CASP10: variants seen among roughly 807,000 people sequenced by gnomAD.
The protein encoded by CASP10 is caspase 10, also known as caspase-10.
CASP10 carries 41 observed loss-of-function variants against 48.5 expected under a neutral mutation model. That is an observed-to-expected ratio of 0.85 (90% CI 0.66 to 1.10). The LOEUF (loss-of-function observed/expected upper bound fraction) is 1.10, where lower values mean the gene tolerates loss of function less well. CASP10 is among the 50% of genes least tolerant of loss of function. CASP10 has a pLI of 0.00. For missense variants in CASP10, 614 were observed against 614.5 expected, an observed-to-expected ratio of 1.00 and a Z score of 0.01; for synonymous variants, 232 against 238.4, an observed-to-expected ratio of 0.97 and a Z score of 0.25.
At position 201,219,932 on chromosome 2, in the gene CASP10, G is replaced by A. The variant is rs557116741; in HGVS notation, c.*2191G>A. On this transcript the variant is annotated 3_prime_UTR_variant, in exon 10 of 10. Coordinates refer to ENST00000286186, the MANE Select transcript of CASP10 (RefSeq NM_032977.4). ...CAGGTGAACTGGAATGCCTTGGGGC[G>A]TGGAAGGGCATTAGGAGTGTTTCAT... is the stretch of plus-strand genomic sequence containing the variant. The A allele has an allele frequency of 2.1e-4, 207 of 985,298 alleles. 1 individual carries two copies. Among genetic ancestry groups the A allele is most frequent in the African/African-American group, 1.2e-3 (67 of 57,292 alleles). 61.0% of individuals were successfully genotyped at this position (985,298 alleles called of 1,614,324 possible). A position where few individuals can be genotyped will look rare whatever the true frequency, so the allele number is the denominator to read the frequency against.
chr2:201,202,602 G>A (rs796066399), intron 5 of CASP10, among the ~76,000 whole-genome samples: 3 of 152,352 alleles, frequency 2.0e-5, no homozygotes, highest in South Asian at 2.1e-4. Context: ...CTGCCTCTTA[G>A]AAGAAATCTA....
intron 5 of CASP10, among the ~76,000 whole-genome samples, chr2:201,202,130 C>T (rs973019306): frequency 1.3e-5 from 2 of 152,172 alleles, no homozygotes; most frequent in Non-Finnish European, 2.9e-5. Flanking sequence ...GGATTACAGG[C>T]GTGAGCCACC....
chr2:201,211,633 A>C (rs1945398301), intron 9 of CASP10, among the ~76,000 whole-genome samples: 1 of 152,146 alleles, frequency 6.6e-6, no homozygotes, highest in Non-Finnish European at 1.5e-5. Flanking sequence ...TTGGACCCTT[A>C]GGTTGATTCC....
At chr2:201,200,441 A>G in intron 5 of CASP10, 4 of 1,598,156 alleles carry the variant, frequency 2.5e-6, no homozygotes, top group African/African-American at 1.3e-5. Context: ...CTTTCTCCCC[A>G]GGAAGGTGTT....
intron 1 of CASP10, among the ~76,000 whole-genome samples, chr2:201,183,860 A>C (rs775308555): frequency 4.1e-4 from 14 of 33,804 alleles, no homozygotes; most frequent in African/African-American, 1.7e-3. Flanking sequence ...TCCTTCCTTT[A>C]TTTATTTATT....
At position 201,220,204 on chromosome 2, in the gene CASP10, C is replaced by CT. The variant is rs1348966873; in HGVS notation, c.*2466dup. On this transcript the variant is annotated 3_prime_UTR_variant, in exon 10 of 10. Coordinates refer to ENST00000286186, the MANE Select transcript of CASP10 (RefSeq NM_032977.4). ...CCGTCATCTTAGACAAACACCGCCA[C>CT]TTTAAGTTCCAGTTCCCTTTCTAGC... The CT allele has an allele frequency of 1.1e-6, 1 of 936,172 alleles. No homozygotes were observed. Among genetic ancestry groups the CT allele is most frequent in the Admixed American group, 6.2e-5 (1 of 16,198 alleles). The allele number at this position is 936,172 out of a possible 1,614,324, so 58.0% of individuals were successfully genotyped here.
intron 8 of CASP10, 150 bp downstream of exon 8, chr2:201,208,333 C>T: frequency 7.1e-7 from 1 of 1,411,476 alleles, no homozygotes; most frequent in Admixed American, 2.9e-5. Context: ...CCTGGGGAGT[C>T]ATCAGTCTGC....
chr2:201,189,230 T>C (rs1181426310), intron 3 of CASP10, among the ~76,000 whole-genome samples: 1 of 151,884 alleles, frequency 6.6e-6, no homozygotes, highest in Non-Finnish European at 1.5e-5. Context: ...TACCCAGTGA[T>C]ACAGCTTATA....
downstream of CASP10, among the ~76,000 whole-genome samples, chr2:201,222,502 C>A (rs1427908508): frequency 6.6e-6 from 1 of 152,162 alleles, no homozygotes; most frequent in Non-Finnish European, 1.5e-5. Context: ...TGTGTCTGGC[C>A]TCATTCATTC....
At chr2:201,184,419 G>A (rs947092028) in intron 1 of CASP10, among the ~76,000 whole-genome samples, 1 of 152,102 alleles carries the variant, frequency 6.6e-6, no homozygotes, top group Non-Finnish European at 1.5e-5. Context: ...CATCCCCGGG[G>A]CTCAAATGAT....
chr2:201,193,079 T>G lies in CASP10; in HGVS notation c.537T>G (p.Pro179=). The G allele has an allele frequency of 6.2e-7, 1 of 1,613,956 alleles. No homozygotes were observed. Among genetic ancestry groups the G allele is most frequent in the Non-Finnish European group, 8.5e-7 (1 of 1,179,844 alleles). ...AGGACCTCTGCAAAACAGTTGTACC[T>G]AAACTTTTGAGAAACATAGAGAAAT... is the stretch of plus-strand genomic sequence containing the variant. ...CLEDLCKTVV[P]KLLRNIEKYK... The change falls in exon 4 of 10, where the codon CCT becomes CCG. Residue 179 remains proline, a synonymous_variant. Transcript: ENST00000286186.
At chr2:201,195,643 C>T (rs1944762918) in intron 4 of CASP10, among the ~76,000 whole-genome samples, 199 bp from the exon 5 acceptor site, 1 of 151,842 alleles carries the variant, frequency 6.6e-6, no homozygotes, top group Non-Finnish European at 1.5e-5. Context: ...GGCTAACTTT[C>T]TAAGTTGTCT....
rs2126066259 is a variant in CASP10, at chr2:201,221,484, C to T, written c.*3743C>T. 1 of 168,750 alleles carries T rather than the reference C, an allele frequency of 5.9e-6. No homozygotes were observed. Among genetic ancestry groups the T allele is most frequent in the South Asian group, 1.9e-4 (1 of 5,152 alleles). The allele number at this position is 168,750 out of a possible 1,614,324, so 10.5% of individuals were successfully genotyped here. A position where few individuals can be genotyped will look rare whatever the true frequency, so the allele number is the denominator to read the frequency against. On this transcript the variant is annotated 3_prime_UTR_variant, in exon 10 of 10. Coordinates refer to ENST00000286186, the MANE Select transcript of CASP10 (RefSeq NM_032977.4). ...GGCTCATCCTGGCTCAAAAGCTCCC[C>T]CAGTGAGCACCTTGTGACCCCCATC...
At chr2:201,194,999 G>C (rs1037285793) in intron 4 of CASP10, among the ~76,000 whole-genome samples, 1 of 151,858 alleles carries the variant, frequency 6.6e-6, no homozygotes, top group East Asian at 1.9e-4. Context: ...GGATGGTCTC[G>C]ATCACCTGAC....
rs17672977 is a variant in CASP10 at position 201,208,509 on chromosome 2, A to G, written c.922+326A>G. The G allele has an allele frequency of 0.034, 8,993 of 267,532 alleles. 198 individuals carry two copies. The highest frequency in any genetic ancestry group is 0.077 in the Middle Eastern group (42 of 542). The allele number at this position is 267,532 out of a possible 1,614,324, so 16.6% of individuals were successfully genotyped here. ...GAGTCAAGAGACCTTGGCTTCTTCAACTGTGAAACAGGATGAAACACTGGC... is the reference window on the plus strand; with the variant it reads ...GAGTCAAGAGACCTTGGCTTCTTCAGCTGTGAAACAGGATGAAACACTGGC... On this transcript the variant is annotated intron_variant, in intron 8 of 9. Transcript: ENST00000286186.
intron 9 of CASP10, among the ~76,000 whole-genome samples, 154 bp downstream of exon 9, chr2:201,209,716 TATCCATCTATCCACCCATTCATCTATCC>T (rs1559309990): frequency 1.3e-5 from 2 of 152,200 alleles, no homozygotes; most frequent in East Asian, 1.9e-4. Context: ...TTTATCTATT[TATCCATCTATCCACCCATTCATCTATCC>T]ATCCATCTAT....
At chr2:201,205,451 G>A (rs560353675) in intron 6 of CASP10, among the ~76,000 whole-genome samples, 3 of 151,720 alleles carry the variant, frequency 2.0e-5, no homozygotes, top group Non-Finnish European at 2.9e-5. Flanking sequence ...GGCTGGTCTT[G>A]AACTCCTGGG....
At chr2:201,202,694 T>C (rs1373896766) in intron 5 of CASP10, among the ~76,000 whole-genome samples, 1 of 152,148 alleles carries the variant, frequency 6.6e-6, no homozygotes, top group Non-Finnish European at 1.5e-5. Context: ...CTCCTTTGCA[T>C]TTGTTCCTGC....
At chr2:201,187,531 A>C (rs1944455671) in intron 2 of CASP10, 175 bp from the exon 3 acceptor site, 1 of 664,270 alleles carries the variant, frequency 1.5e-6, no homozygotes, top group Admixed American at 2.3e-5. Context: ...TTATTTAAAC[A>C]AGTCACTTAG....
Sources: gnomAD v4.1 joint callset for allele counts (sites outside exome capture counted in the v4.1 genomes callset) on GRCh38, gnomAD v4.1.1 for gene constraint, MANE v1.5 for transcripts, NCBI Gene and HGNC (gene_info 2026-07-23, HGNC 2026-07-21) for gene names.